OR51B5: variants seen among roughly 807,000 people sequenced by gnomAD.
The protein encoded by OR51B5 is olfactory receptor 51B5.
For missense variants in OR51B5, 456 were observed against 374.6 expected (o/e 1.22, Z -1.79); for synonymous variants, 186 against 144.8 (o/e 1.28, Z -2.04).
At chr11:5,343,728 C>G, upstream of OR51B5, 1 of 445,970 alleles carries the variant, frequency 2.2e-6, no homozygotes, top group Non-Finnish European at 3.9e-6. Context: ...ATTCCAGGAT[C>G]TATCTCCTAC....
chr11:5,375,625 G>A (rs948291637), intron 1 of OR51B5, among the ~76,000 whole-genome samples: 5 of 152,032 alleles, frequency 3.3e-5, no homozygotes, highest in African/African-American at 1.2e-4. Flanking sequence ...GATCTACCAA[G>A]CAAATGGAAA....
intron 1 of OR51B5, among the ~76,000 whole-genome samples, chr11:5,492,938 C>T (rs1392819666): frequency 6.6e-6 from 1 of 152,104 alleles, no homozygotes; most frequent in African/African-American, 2.4e-5. Flanking sequence ...CCCAGCCAGA[C>T]TCTCTTTGTT....
At chr11:5,404,996 T>C (rs1252763263) in intron 1 of OR51B5, among the ~76,000 whole-genome samples, 1 of 152,152 alleles carries the variant, frequency 6.6e-6, no homozygotes, top group Non-Finnish European at 1.5e-5. Flanking sequence ...GGCTTCATTC[T>C]TGAATTCACC....
At chr11:5,478,365 C>T (rs1342380480) in intron 1 of OR51B5, among the ~76,000 whole-genome samples, 1 of 149,932 alleles carries the variant, frequency 6.7e-6, no homozygotes, top group African/African-American at 2.4e-5. Flanking sequence ...ATCTGTACAT[C>T]ACCATCATCA....
At chr11:5,352,311 T>C (rs1424384081) in intron 1 of OR51B5, 2 of 1,614,152 alleles carry the variant, frequency 1.2e-6, no homozygotes, top group Admixed American at 3.3e-5. Flanking sequence ...ATGTTCCTCA[T>C]GTCGTTCACA....
upstream of OR51B5, chr11:5,345,673 A>C (rs530436953): frequency 6.6e-6 from 1 of 152,086 alleles, no homozygotes; most frequent in African/African-American, 2.4e-5. Context: ...TTTTATCCTA[A>C]GTTAAAAAGA....
chr11:5,503,378 T>G (rs1846325139), intron 1 of OR51B5, among the ~76,000 whole-genome samples: 1 of 152,084 alleles, frequency 6.6e-6, no homozygotes, highest in Non-Finnish European at 1.5e-5. Context: ...CACGTGTAAA[T>G]AAACCCAAAT....
At chr11:5,457,405 C>T (rs1850976403) in intron 1 of OR51B5, among the ~76,000 whole-genome samples, 1 of 152,172 alleles carries the variant, frequency 6.6e-6, no homozygotes, top group African/African-American at 2.4e-5. Context: ...GATTTCATGT[C>T]TTTGCTATTG....
chr11:5,364,798 T>C (rs945886936), intron 1 of OR51B5, among the ~76,000 whole-genome samples: 1 of 152,194 alleles, frequency 6.6e-6, no homozygotes, highest in Non-Finnish European at 1.5e-5. Flanking sequence ...TGAGCATGTG[T>C]TCTGGATATG....
At chr11:5,400,320 C>T (rs192907066) in intron 1 of OR51B5, among the ~76,000 whole-genome samples, 1,656 of 152,114 alleles carry the variant, frequency 0.011, 16 homozygotes, top group Non-Finnish European at 0.014. Context: ...TTCATGATAG[C>T]AAAAATATGA....
At chr11:5,409,778 G>A (rs1477629952) in intron 1 of OR51B5, among the ~76,000 whole-genome samples, 2 of 152,028 alleles carry the variant, frequency 1.3e-5, no homozygotes, top group Non-Finnish European at 1.5e-5. Flanking sequence ...CCCCTAAACT[G>A]GTAAAACGCA....
intron 1 of OR51B5, among the ~76,000 whole-genome samples, chr11:5,435,098 G>A (rs1376203408): frequency 1.3e-5 from 2 of 152,162 alleles, no homozygotes; most frequent in African/African-American, 4.8e-5. Flanking sequence ...TATATTCAGT[G>A]ATAAACTTAA....
At chr11:5,385,061 G>C (rs1407139313) in intron 1 of OR51B5, among the ~76,000 whole-genome samples, 1 of 152,292 alleles carries the variant, frequency 6.6e-6, no homozygotes, top group African/African-American at 2.4e-5. Context: ...ACACAGGTGA[G>C]GTAGAGAGCC....
chr11:5,503,192 G>A (rs563262206), intron 1 of OR51B5, among the ~76,000 whole-genome samples: 1 of 152,252 alleles, frequency 6.6e-6, no homozygotes, highest in East Asian at 1.9e-4. Flanking sequence ...TATTAGAAGA[G>A]TAGAGGCTTT....
chr11:5,361,178 G>C (rs147077116), intron 1 of OR51B5, among the ~76,000 whole-genome samples: 14 of 152,060 alleles, frequency 9.2e-5, no homozygotes, highest in Non-Finnish European at 1.5e-4. Context: ...CTGCAAAAAG[G>C]CCATCCTCCC....
At chr11:5,352,759 C>T (rs781406263) in intron 1 of OR51B5, among the ~76,000 whole-genome samples, 1 of 145,498 alleles carries the variant, frequency 6.9e-6, no homozygotes, top group African/African-American at 2.6e-5. Flanking sequence ...TACATACTTA[C>T]ACACATACAT....
chr11:5,502,689 A>G (rs898124896), intron 1 of OR51B5, among the ~76,000 whole-genome samples: 10 of 152,188 alleles, frequency 6.6e-5, no homozygotes, highest in Admixed American at 6.5e-4. Flanking sequence ...CTTGGACTAG[A>G]CACTTTACCT....
chr11:5,404,634 C>T (rs994417065), intron 1 of OR51B5, among the ~76,000 whole-genome samples: 9 of 152,148 alleles, frequency 5.9e-5, no homozygotes, highest in Admixed American at 4.6e-4. Flanking sequence ...ACCTGGGGTC[C>T]CCTTGCACGC....
intron 1 of OR51B5, chr11:5,389,731 C>T (rs766483501): frequency 3.1e-6 from 5 of 1,613,934 alleles, no homozygotes; most frequent in South Asian, 1.1e-5. Context: ...CGTGTCAAAT[C>T]CAGATGTTCT....
Sources: allele counts gnomAD v4.1 joint callset (sites outside exome capture counted in the v4.1 genomes callset), GRCh38; gene constraint gnomAD v4.1.1; transcripts MANE v1.5; gene names NCBI Gene and HGNC (gene_info 2026-07-23, HGNC 2026-07-21).